Variants in PECAM1 observed in about 807,000 individuals in gnomAD.
The protein encoded by PECAM1 is platelet and endothelial cell adhesion molecule 1, also known as platelet endothelial cell adhesion molecule.
PECAM1 carries 8 observed loss-of-function variants against 13.8 expected under a neutral mutation model. The ratio of observed to expected loss-of-function variants is 0.58; its 90% CI spans 0.34 to 1.05. PECAM1 has a LOEUF of 1.05. Ranked by LOEUF, PECAM1 falls within the 50% of genes least tolerant of loss-of-function variation. The pLI is 0.03. For missense variants in PECAM1, 304 were observed against 141.2 expected (o/e 2.15, Z -5.84); for synonymous variants, 136 against 52.6 (o/e 2.58, Z -6.86).
At chr17:64,356,795 G>A (rs1038534182) in intron 7 of PECAM1, among the ~76,000 whole-genome samples, 1 of 152,068 alleles carries the variant, frequency 6.6e-6, no homozygotes, top group East Asian at 1.9e-4. Context: ...CCAGGCCACA[G>A]ACAATCTTGA....
At chr17:64,333,728 C>T (rs922071828) in intron 14 of PECAM1, among the ~76,000 whole-genome samples, 3 of 151,616 alleles carry the variant, frequency 2.0e-5, no homozygotes, top group South Asian at 2.1e-4. Flanking sequence ...GAGGCTGAGG[C>T]GGGCGGATTG....
intron 11 of PECAM1, among the ~76,000 whole-genome samples, chr17:64,352,043 GTT>G (rs1216302831): frequency 1.3e-5 from 2 of 152,254 alleles, no homozygotes; most frequent in South Asian, 2.1e-4. Context: ...CTGAGAAGAT[GTT>G]TTACCAATGT....
intron 2 of PECAM1, among the ~76,000 whole-genome samples, chr17:64,381,696 T>G (rs1220246968): frequency 6.6e-6 from 1 of 152,212 alleles, no homozygotes; most frequent in Non-Finnish European, 1.5e-5. Context: ...ACGGTTTAAA[T>G]TCAAGTCATT....
chr17:64,326,044 GT>G (rs1448519422), intron 15 of PECAM1, among the ~76,000 whole-genome samples: 29 of 152,216 alleles, frequency 1.9e-4, no homozygotes, highest in African/African-American at 7.0e-4. Context: ...GGGCTGGGCA[GT>G]GGGGGATTCA....
chr17:64,325,736 C>CA (rs1413007282), intron 15 of PECAM1, among the ~76,000 whole-genome samples: 1 of 151,680 alleles, frequency 6.6e-6, no homozygotes, highest in Non-Finnish European at 1.5e-5. Context: ...GACTTCATCT[C>CA]AAAAAACACA....
intron 8 of PECAM1, among the ~76,000 whole-genome samples, chr17:64,355,648 C>G (rs1048413283): frequency 8.5e-5 from 13 of 152,250 alleles, no homozygotes; most frequent in African/African-American, 2.4e-4. Context: ...TTTGTAGAGA[C>G]AGGGTTTCAC....
Position 64,341,673 on chromosome 17 carries a change from T to C in PECAM1, c.2125A>G (p.Thr709Ala), listed in dbSNP as rs1040233268. Reference sequence around the variant, plus strand: ...CGGACTTCACTGTACACTGTCTCTGTGTCCTTCTTTCCTAGATCTGGAAAA... The same window carrying C: ...CGGACTTCACTGTACACTGTCTCTGCGTCCTTCTTTCCTAGATCTGGAAAA... ...ESHKDLGKKDTETVYSEVRKA... is the reference protein window; with the variant it reads ...ESHKDLGKKDAETVYSEVRKA... The change falls in exon 14 of 16, where the codon ACA (threonine) becomes GCA (alanine). Residue 709 changes from threonine to alanine, a missense_variant. Coordinates refer to ENST00000563924, the MANE Select transcript of PECAM1 (RefSeq NM_000442.5). 5.8e-5 allele frequency: 26 copies of C among 449,212 alleles called. No individual in the cohort carries two copies. Among genetic ancestry groups the C allele is most frequent in the African/African-American group, 5.0e-4 (25 of 49,994 alleles). The allele number at this position is 449,212 out of a possible 1,614,324, so 27.8% of individuals were successfully genotyped here.
intron 12 of PECAM1, among the ~76,000 whole-genome samples, chr17:64,349,640 A>G (rs1042916165): frequency 2.0e-5 from 3 of 149,420 alleles, no homozygotes; most frequent in Non-Finnish European, 3.0e-5. Context: ...TAATTCTAGC[A>G]TTTTGGGAGG....
chr17:64,356,667 G>C (rs1464612450), intron 7 of PECAM1, among the ~76,000 whole-genome samples: 1 of 151,930 alleles, frequency 6.6e-6, no homozygotes, highest in Non-Finnish European at 1.5e-5. Context: ...TGTTGTTGTT[G>C]TTGTTTTAGA....
chr17:64,365,953 A>C (rs2036094304), intron 5 of PECAM1, among the ~76,000 whole-genome samples: 1 of 151,876 alleles, frequency 6.6e-6, no homozygotes, highest in Admixed American at 6.6e-5. Context: ...CAATGGCAAC[A>C]AAAGCCAAAA....
intron 13 of PECAM1, among the ~76,000 whole-genome samples, chr17:64,347,642 ATAT>A (rs1350421484): frequency 7.3e-6 from 1 of 136,266 alleles, no homozygotes; most frequent in Non-Finnish European, 1.6e-5. Flanking sequence ...AATATATAAA[ATAT>A]TATAAAATAT....
chr17:64,369,635 A>C, intron 5 of PECAM1, 115 bp downstream of exon 5: 1 of 397,462 alleles, frequency 2.5e-6, no homozygotes, highest in Non-Finnish European at 4.4e-6. Flanking sequence ...GAGCACATTC[A>C]TTCAGATAAG....
chr17:64,377,638 A>AAGGG (rs2036393520), intron 3 of PECAM1, 186 bp downstream of exon 3: 5 of 402,476 alleles, frequency 1.2e-5, no homozygotes, highest in Non-Finnish European at 1.8e-5. Context: ...GGAAGGAAGG[A>AAGGG]AGGGCCTGGC....
chr17:64,332,719 G>T (rs1212577431), intron 14 of PECAM1, among the ~76,000 whole-genome samples: 1 of 152,184 alleles, frequency 6.6e-6, no homozygotes, highest in Non-Finnish European at 1.5e-5. Flanking sequence ...CTTTTCTTTG[G>T]TTCTTTCTCA....
chr17:64,355,804 A>G (rs2035832927), intron 8 of PECAM1, among the ~76,000 whole-genome samples: 1 of 152,078 alleles, frequency 6.6e-6, no homozygotes, highest in African/African-American at 2.4e-5. Context: ...GCGTGACCCA[A>G]TCCCCTTGGC....
rs913357422 is a variant in PECAM1 at position 64,333,733 on chromosome 17, G to A, written c.2165-4011C>T. On this transcript the variant is annotated intron_variant, in intron 14 of 15. Coordinates refer to ENST00000563924, the MANE Select transcript of PECAM1 (RefSeq NM_000442.5). ...AGCACTTTGGGAGGCTGAGGCGGGC[G>A]GATTGCTTGAGCTCTGGAGTTCAAG... Among the ~76,000 whole-genome samples, 66 of 151,852 alleles carry A rather than the reference G, an allele frequency of 4.3e-4. No individual in the cohort carries two copies. In the South Asian group the frequency reaches 4.4e-3, roughly 10 times the overall value.
chr17:64,338,372 G>A, intron 14 of PECAM1, among the ~76,000 whole-genome samples: 1 of 149,642 alleles, frequency 6.7e-6, no homozygotes, highest in South Asian at 2.1e-4. Context: ...GAACCACCAT[G>A]CCCAGCCCTA....
At chr17:64,377,359 A>G (rs1176059812) in intron 3 of PECAM1, among the ~76,000 whole-genome samples, 1 of 152,066 alleles carries the variant, frequency 6.6e-6, no homozygotes, top group Non-Finnish European at 1.5e-5. Flanking sequence ...GACGAGATGA[A>G]GAAGCATTTT....
At chr17:64,382,829 G>A (rs1323429340) in intron 2 of PECAM1, among the ~76,000 whole-genome samples, 2 of 151,972 alleles carry the variant, frequency 1.3e-5, no homozygotes, top group Non-Finnish European at 2.9e-5. Flanking sequence ...TTGAGGTCAG[G>A]AGTTCGAGAC....
Sources: gnomAD v4.1 joint callset for allele counts (sites outside exome capture counted in the v4.1 genomes callset) on GRCh38, gnomAD v4.1.1 for gene constraint, MANE v1.5 for transcripts, NCBI Gene and HGNC (gene_info 2026-07-23, HGNC 2026-07-21) for gene names.